CLPB: variants seen among roughly 807,000 people sequenced by gnomAD.
CLPB encodes mitochondrial disaggregase.
In CLPB, 40 loss-of-function variants were observed where a neutral mutation model predicts 78.4. That is an observed-to-expected ratio of 0.51 (90% CI 0.40 to 0.66). The LOEUF (loss-of-function observed/expected upper bound fraction) is 0.66, where lower values mean the gene tolerates loss of function less well. Among genes scored for constraint, CLPB ranks in the 30% least tolerant of loss-of-function variants. The probability of loss-of-function intolerance (pLI) is 0.00; values close to 1 mark genes in which losing one functional copy is unlikely to be tolerated. For synonymous variants in CLPB, 333 were observed against 348.0 expected, an observed-to-expected ratio of 0.96 and a Z score of 0.48; for missense variants, 780 against 886.9, an observed-to-expected ratio of 0.88 and a Z score of 1.53.
chr11:72,356,736 A>G (rs998102367), intron 5 of CLPB: 1 of 152,206 alleles, frequency 6.6e-6, no homozygotes, highest in African/African-American at 2.4e-5. Flanking sequence ...GGGGGTGAGG[A>G]TAGAGGGAGT....
At chr11:72,332,621 C>G (rs939665005) in intron 5 of CLPB, 1 of 152,202 alleles carries the variant, frequency 6.6e-6, no homozygotes, top group Non-Finnish European at 1.5e-5. Context: ...AATTCCCTAT[C>G]TATTATCAGA....
chr11:72,293,973 TG>T, intron 15 of CLPB, 48 bp downstream of exon 15: 2 of 1,523,138 alleles, frequency 1.3e-6, no homozygotes, highest in South Asian at 1.2e-5. Context: ...TGGGGGGCCC[TG>T]GGGAGGGAGG....
chr11:72,381,602 C>A (rs10793028), intron 3 of CLPB, among the ~76,000 whole-genome samples: 2,622 of 152,118 alleles, frequency 0.017, 67 homozygotes, highest in African/African-American at 0.06. Flanking sequence ...AGACTCCCCC[C>A]AGAACCGGCT....
rs530734040 is a variant in CLPB, at chr11:72,311,377, T to C, written c.989-2773A>G. On this transcript the variant is annotated intron_variant, in intron 7 of 15. Coordinates refer to ENST00000538039, the MANE Select transcript of CLPB (RefSeq NM_001258392.3). ...ACAACTGACTCACTTCAACATTTCATTGTTGTCTATAAAGAACTTCTGTAG... is the reference window on the plus strand; with the variant it reads ...ACAACTGACTCACTTCAACATTTCACTGTTGTCTATAAAGAACTTCTGTAG... Among the ~76,000 whole-genome samples the C allele has an allele frequency of 4.1e-4, 62 of 152,306 alleles. 1 individual carries two copies. Among genetic ancestry groups the C allele is most frequent in the African/African-American group, 1.4e-3 (59 of 41,556 alleles).
At position 72,434,426 on chromosome 11, in the gene CLPB, G is replaced by T. The variant is rs967735628; in HGVS notation, c.49C>A (p.Leu17Ile). 1 of 1,587,790 alleles carries T rather than the reference G, an allele frequency of 6.3e-7. No individual in the cohort carries two copies. The highest frequency in any genetic ancestry group is 8.6e-7 in the Non-Finnish European group (1 of 1,164,726). Reference protein sequence around the residue: ...LRRKALAPRLLLRLLRSPTLR... With the variant: ...LRRKALAPRLILRLLRSPTLR... ...GTTGGGGACCTGAGCAGCCGGAGGA[G>T]TAGCCGTGGCGCCAGTGCTTTTCTC... The change falls in exon 1 of 16, where the codon CTC becomes ATC. Residue 17 changes from leucine (L) to isoleucine (I), a missense_variant. Physicochemically the swap from Leu to Ile is conservative, Grantham distance 5 (BLOSUM62 2). This residue lies in a region of CLPB where 417 missense variants were observed against 414.7 expected (regional missense o/e 1.01). Coordinates refer to ENST00000538039, the MANE Select transcript of CLPB (RefSeq NM_001258392.3).
intron 6 of CLPB, 33 bp from the exon 7 acceptor site, chr11:72,317,253 GC>G: frequency 6.6e-7 from 1 of 1,523,184 alleles, no homozygotes; most frequent in Non-Finnish European, 9.0e-7. Context: ...GTTGAGGGCT[GC>G]CGGGCCCATA....
chr11:72,420,209 C>T (rs1000058522), intron 2 of CLPB, among the ~76,000 whole-genome samples: 7 of 152,030 alleles, frequency 4.6e-5, no homozygotes, highest in Admixed American at 2.0e-4. Context: ...AAACACAAAA[C>T]GCTTTCAATG....
intron 3 of CLPB, among the ~76,000 whole-genome samples, chr11:72,401,959 T>C (rs1855576133): frequency 6.6e-6 from 1 of 151,880 alleles, no homozygotes; most frequent in African/African-American, 2.4e-5. Flanking sequence ...TGAGATAAAG[T>C]AAAAAACACA....
At chr11:72,308,170 A>G (rs980198268) in intron 8 of CLPB, among the ~76,000 whole-genome samples, 2 of 152,194 alleles carry the variant, frequency 1.3e-5, no homozygotes, top group African/African-American at 4.8e-5. Context: ...TGTACTGAAC[A>G]TGGTTGATGT....
intron 7 of CLPB, among the ~76,000 whole-genome samples, chr11:72,313,553 T>C (rs754780511): frequency 1.3e-5 from 2 of 152,166 alleles, no homozygotes; most frequent in Non-Finnish European, 2.9e-5. Flanking sequence ...TCTGGACTTT[T>C]GGAGGGAGAA....
chr11:72,351,912 T>C (rs192649219), intron 5 of CLPB, among the ~76,000 whole-genome samples: 62 of 152,070 alleles, frequency 4.1e-4, no homozygotes, highest in Non-Finnish European at 1.5e-5. Flanking sequence ...GTGTAACATA[T>C]AAAGAAAAGC....
At chr11:72,320,486 A>T (rs1950025213) in intron 6 of CLPB, among the ~76,000 whole-genome samples, 2 of 152,172 alleles carry the variant, frequency 1.3e-5, no homozygotes, top group African/African-American at 4.8e-5. Context: ...GATTCAAACC[A>T]TGGCCTAAAT....
At chr11:72,409,913 G>A (rs1444512263) in intron 2 of CLPB, among the ~76,000 whole-genome samples, 1 of 152,042 alleles carries the variant, frequency 6.6e-6, no homozygotes, top group Non-Finnish European at 1.5e-5. Flanking sequence ...GGTGGCGGAG[G>A]TTGCAGTGAG....
intron 7 of CLPB, among the ~76,000 whole-genome samples, chr11:72,315,243 GA>G (rs1949920356): frequency 6.6e-6 from 1 of 152,214 alleles, no homozygotes; most frequent in African/African-American, 2.4e-5. Flanking sequence ...GCAGGCTGGG[GA>G]GGGGGAGGAG....
At chr11:72,331,307 G>C (rs1180248133) in intron 5 of CLPB, among the ~76,000 whole-genome samples, 2 of 151,710 alleles carry the variant, frequency 1.3e-5, no homozygotes, top group African/African-American at 2.4e-5. Context: ...AGGAGGCCGA[G>C]GCAGGAAAAT....
intron 2 of CLPB, among the ~76,000 whole-genome samples, chr11:72,420,661 C>T (rs1171990641): frequency 6.6e-6 from 1 of 152,172 alleles, no homozygotes; most frequent in Admixed American, 6.5e-5. Flanking sequence ...GGTAAGTGCT[C>T]TCACTTATAT....
chr11:72,418,016 T>C (rs1234748114), intron 2 of CLPB, among the ~76,000 whole-genome samples: 2 of 152,220 alleles, frequency 1.3e-5, no homozygotes, highest in African/African-American at 4.8e-5. Context: ...CAAAAGGGCA[T>C]TGAGATGGAA....
At chr11:72,331,859 C>A (rs930613108) in intron 5 of CLPB, among the ~76,000 whole-genome samples, 2 of 152,086 alleles carry the variant, frequency 1.3e-5, no homozygotes, top group African/African-American at 4.8e-5. Flanking sequence ...TAGGTGTGAG[C>A]CACCATGCCC....
intron 4 of CLPB, among the ~76,000 whole-genome samples, chr11:72,359,711 A>G (rs1263041656): frequency 6.6e-6 from 1 of 152,212 alleles, no homozygotes; most frequent in African/African-American, 2.4e-5. Context: ...TCCAAATTTC[A>G]TGTGTGTGTG....
Sources: gnomAD v4.1 joint callset for allele counts (sites outside exome capture counted in the v4.1 genomes callset) on GRCh38, gnomAD v4.1.1 for gene constraint, gnomAD v4.1.1 regional missense constraint, MANE v1.5 for transcripts, NCBI Gene and HGNC (gene_info 2026-07-23, HGNC 2026-07-21) for gene names.